Variants in CRYBG1 observed in about 807,000 individuals in gnomAD.
CRYBG1 encodes crystallin beta-gamma domain containing 1.
A neutral mutation model predicts 189.2 loss-of-function variants in CRYBG1; 139 were observed. That is an observed-to-expected ratio of 0.73 (90% CI 0.64 to 0.85). The LOEUF (loss-of-function observed/expected upper bound fraction) is 0.85, where lower values mean the gene tolerates loss of function less well. Ranked by LOEUF, CRYBG1 falls within the 40% of genes least tolerant of loss-of-function variation. The probability of loss-of-function intolerance (pLI) is 0.00; values close to 1 mark genes in which losing one functional copy is unlikely to be tolerated. For synonymous variants in CRYBG1, 1,023 were observed against 1,017.1 expected (o/e 1.01, Z -0.11); for missense variants, 2,611 against 2,675.8 (o/e 0.98, Z 0.53).
chr6:106,425,177 C>T (rs1771202832), intron 1 of CRYBG1, among the ~76,000 whole-genome samples: 1 of 152,144 alleles, frequency 6.6e-6, no homozygotes, highest in Non-Finnish European at 1.5e-5. Context: ...GAATACATGC[C>T]ATCTTTGCTA....
At chr6:106,486,182 CTT>C (rs1317243992) in intron 2 of CRYBG1, among the ~76,000 whole-genome samples, 1 of 152,126 alleles carries the variant, frequency 6.6e-6, no homozygotes, top group Admixed American at 6.5e-5. Context: ...TCTCAAGAAA[CTT>C]TTAAATTTCC....
chr6:106,450,932 G>A (rs1771770492), intron 1 of CRYBG1, among the ~76,000 whole-genome samples: 1 of 152,216 alleles, frequency 6.6e-6, no homozygotes, highest in Non-Finnish European at 1.5e-5. Flanking sequence ...AAGCAAGACA[G>A]TTACATATGG....
chr6:106,519,683 C>A lies in CRYBG1; in HGVS notation c.2475C>A (p.Ser825Arg), dbSNP rs755350153. The A allele has an allele frequency of 1.9e-6, 3 of 1,614,152 alleles. No individual in the cohort carries two copies. The highest frequency in any genetic ancestry group is 2.5e-6 in the Non-Finnish European group (3 of 1,180,024). ...ACTCAGAGGCTGCAGACAGCAAAAGCCTTGTACTTGAAAATGTAACCGATA... is the reference window on the plus strand; with the variant it reads ...ACTCAGAGGCTGCAGACAGCAAAAGACTTGTACTTGAAAATGTAACCGATA... ...KEDSEAADSKSLVLENVTDTA... is the reference protein window; with the variant it reads ...KEDSEAADSKRLVLENVTDTA... Residue 825 changes from serine to arginine, a missense_variant, in exon 4 of 22, where the codon AGC becomes AGA. This residue lies in a region of CRYBG1 where 1,622 missense variants were observed against 1,735.0 expected (regional missense o/e 0.93). Coordinates refer to ENST00000633556, the MANE Select transcript of CRYBG1 (RefSeq NM_001371242.2).
chr6:106,424,033 T>C (rs995966254), intron 1 of CRYBG1, among the ~76,000 whole-genome samples: 2 of 152,022 alleles, frequency 1.3e-5, no homozygotes, highest in African/African-American at 4.8e-5. Context: ...CTCTCTCTCA[T>C]GATTTAAGAT....
chr6:106,434,470 T>C (rs780194910), intron 1 of CRYBG1, among the ~76,000 whole-genome samples: 29 of 152,190 alleles, frequency 1.9e-4, no homozygotes, highest in Non-Finnish European at 4.0e-4. Context: ...GTAATATAAT[T>C]ATCTGATAAT....
At position 106,558,594 on chromosome 6, in the gene CRYBG1, C is replaced by G; in HGVS notation, c.5824C>G (p.Gln1942Glu). 6.2e-7 allele frequency: 1 copy of G among 1,613,194 alleles called. No individual in the cohort carries two copies. Among genetic ancestry groups the G allele is most frequent in the African/African-American group, 1.3e-5 (1 of 75,018 alleles). Reference protein sequence around the residue: ...VNLRSLGFNTQIRSVQVIGGI... With the variant: ...VNLRSLGFNTEIRSVQVIGGI... ...TCTCCGATCCCTGGGATTCAACACACAAATACGCTCTGTTCAGGTTATTGG... is the reference window on the plus strand; with the variant it reads ...TCTCCGATCCCTGGGATTCAACACAGAAATACGCTCTGTTCAGGTTATTGG... Residue 1942 changes from glutamine to glutamate, a missense_variant, in exon 18 of 22, where the codon CAA becomes GAA. Physicochemically the swap from Gln to Glu is conservative, Grantham distance 29 (BLOSUM62 2). Transcript: ENST00000633556.
chr6:106,412,837 T>C (rs987377), intron 1 of CRYBG1, among the ~76,000 whole-genome samples: 109,016 of 151,704 alleles, frequency 0.72, 40,021 homozygotes, highest in African/African-American at 0.88. Flanking sequence ...CACCTGAAGA[T>C]GAAAAGGCTG....
chr6:106,558,346 G>T (rs774617783), intron 17 of CRYBG1, 140 bp from the exon 18 acceptor site: 198 of 629,188 alleles, frequency 3.1e-4, no homozygotes, highest in Admixed American at 6.0e-4. Flanking sequence ...AAACATCCAG[G>T]CTCCCTTGGA....
chr6:106,466,183 A>G (rs1772112020), intron 2 of CRYBG1, among the ~76,000 whole-genome samples: 1 of 152,254 alleles, frequency 6.6e-6, no homozygotes, highest in African/African-American at 2.4e-5. Context: ...TTACGAGTAA[A>G]TATTCAATGG....
intron 1 of CRYBG1, among the ~76,000 whole-genome samples, chr6:106,415,476 G>C (rs539165213): frequency 6.6e-6 from 1 of 152,032 alleles, no homozygotes; most frequent in South Asian, 2.1e-4. Flanking sequence ...TGTAATCCCG[G>C]CAATTTGAGA....
chr6:106,480,285 A>T (rs918869771), intron 2 of CRYBG1, among the ~76,000 whole-genome samples: 2 of 152,116 alleles, frequency 1.3e-5, no homozygotes, highest in Admixed American at 6.6e-5. Flanking sequence ...GTGATGCAGT[A>T]TGATAGGGAA....
At chr6:106,558,213 A>G (rs9320177) in intron 17 of CRYBG1, among the ~76,000 whole-genome samples, 23,714 of 145,466 alleles carry the variant, frequency 0.16, 2,290 homozygotes, top group African/African-American at 0.27. Context: ...TGATATTCCC[A>G]GCGTATACCC....
At chr6:106,483,130 T>C (rs1321045410) in intron 2 of CRYBG1, among the ~76,000 whole-genome samples, 1 of 152,072 alleles carries the variant, frequency 6.6e-6, no homozygotes, top group Non-Finnish European at 1.5e-5. Flanking sequence ...ACCAGCCTCT[T>C]CCCATTCACC....
rs1774217004 is a variant in CRYBG1, at chr6:106,544,564, G to A, written c.5040-7G>A. ...AATGACTACTCCTCGTGTTCTTTAT[G>A]TTGCAGTTGGGTTGCATATGAGAAA... On this transcript the variant is annotated splice_polypyrimidine_tract_variant and splice_region_variant and intron_variant, in intron 11 of 21. Coordinates refer to ENST00000633556, the MANE Select transcript of CRYBG1 (RefSeq NM_001371242.2). 2 of 1,612,476 alleles carry A rather than the reference G, an allele frequency of 1.2e-6. No homozygotes were observed. Among genetic ancestry groups the A allele is most frequent in the African/African-American group, 1.3e-5 (1 of 74,796 alleles).
At chr6:106,503,540 C>T (rs1329077118) in intron 2 of CRYBG1, among the ~76,000 whole-genome samples, 1 of 152,184 alleles carries the variant, frequency 6.6e-6, no homozygotes, top group Non-Finnish European at 1.5e-5. Context: ...TTTAGAAAGC[C>T]TGACTTATGT....
chr6:106,448,921 A>C (rs946228532), intron 1 of CRYBG1, among the ~76,000 whole-genome samples: 3 of 152,190 alleles, frequency 2.0e-5, no homozygotes, highest in Non-Finnish European at 4.4e-5. Flanking sequence ...ACAGGAAGGA[A>C]TTATCATACC....
chr6:106,424,196 C>T (rs1771183486), intron 1 of CRYBG1, among the ~76,000 whole-genome samples: 1 of 152,300 alleles, frequency 6.6e-6, no homozygotes, highest in South Asian at 2.1e-4. Context: ...AACTACGTTT[C>T]TAGGAACTCA....
intron 20 of CRYBG1, among the ~76,000 whole-genome samples, chr6:106,562,640 C>T (rs1046649983): frequency 4.6e-5 from 7 of 152,064 alleles, no homozygotes; most frequent in Admixed American, 1.3e-4. Flanking sequence ...GCGTGTGCCA[C>T]CACGCCCAGC....
Position 106,512,749 on chromosome 6 carries a change from G to A in CRYBG1, c.1632G>A (p.Arg544=). Residue 544 remains arginine (R), a synonymous_variant, in exon 3 of 22, where the codon AGG becomes AGA. Coordinates refer to ENST00000633556, the MANE Select transcript of CRYBG1 (RefSeq NM_001371242.2). ...RAPAKESPPK[R]VPDPSPVTKG... The stretch of plus-strand genomic sequence containing the variant: ...CCGCCAAGGAGTCCCCACCCAAGAG[G>A]GTGCCCGATCCCAGCCCAGTCACCA... 1 of 1,573,054 alleles carries A rather than the reference G, an allele frequency of 6.4e-7. No individual in the cohort carries two copies. Among genetic ancestry groups the A allele is most frequent in the Non-Finnish European group, 8.6e-7 (1 of 1,159,474 alleles).
Sources: gnomAD v4.1 joint callset for allele counts (sites outside exome capture counted in the v4.1 genomes callset) on GRCh38, gnomAD v4.1.1 for gene constraint, gnomAD v4.1.1 regional missense constraint, MANE v1.5 for transcripts, NCBI Gene and HGNC (gene_info 2026-07-23, HGNC 2026-07-21) for gene names.